PDE11A: variants seen among roughly 807,000 people sequenced by gnomAD.
PDE11A encodes phosphodiesterase 11A.
A neutral mutation model predicts 100.5 loss-of-function variants in PDE11A; 100 were observed. That is an observed-to-expected ratio of 1.00 (90% CI 0.85 to 1.18). The LOEUF (loss-of-function observed/expected upper bound fraction) is 1.18, where lower values mean the gene tolerates loss of function less well. PDE11A is among the 50% of genes most tolerant of loss of function. The pLI, the probability that PDE11A is intolerant of heterozygous loss-of-function variation, is 0.00. For missense variants in PDE11A, 1,141 were observed against 1,152.6 expected (o/e 0.99, Z 0.15); for synonymous variants, 381 against 420.8 (o/e 0.91, Z 1.16).
rs1413957027 is a variant in PDE11A at position 177,743,191 on chromosome 2, G to C, written c.1789-15019C>G. ...ACAGATGCTGATTACAGAAACCAGG[G>C]GTGAAACTCAAGTTTTAAATAATTG... On this transcript the variant is annotated intron_variant, in intron 10 of 19. Coordinates refer to ENST00000286063, the MANE Select transcript of PDE11A (RefSeq NM_016953.4). Among the ~76,000 whole-genome samples the C allele has an allele frequency of 4.6e-5, 7 of 152,268 alleles. 1 individual carries two copies. The highest frequency in any genetic ancestry group is 2.0e-4 in the Admixed American group (3 of 15,298).
intron 9 of PDE11A, among the ~76,000 whole-genome samples, chr2:177,783,015 G>A (rs185797767): frequency 6.6e-6 from 1 of 152,254 alleles, no homozygotes; most frequent in East Asian, 1.9e-4. Context: ...TGCCACCAAT[G>A]GGGCATTTCA....
At chr2:177,853,850 G>A (rs1420764349) in intron 5 of PDE11A, among the ~76,000 whole-genome samples, 2 of 140,744 alleles carry the variant, frequency 1.4e-5, no homozygotes, top group Non-Finnish European at 3.1e-5. Flanking sequence ...CTATATATGT[G>A]TATATATATC....
chr2:177,876,281 T>TGCTGAGATTACAGGCACGAGCCACCGC (rs2084240497), intron 4 of PDE11A, among the ~76,000 whole-genome samples: 70 of 125,146 alleles, frequency 5.6e-4, no homozygotes, highest in African/African-American at 9.8e-4. Flanking sequence ...GAGACCCAGG[T>TGCTGAGATTACAGGCACGAGCCACCGC]AGGGACAGAA....
At chr2:178,033,929 C>A (rs2086578537) in intron 1 of PDE11A, among the ~76,000 whole-genome samples, 1 of 152,146 alleles carries the variant, frequency 6.6e-6, no homozygotes, top group Admixed American at 6.5e-5. Flanking sequence ...CTGTTACCAG[C>A]CACTGCAAAA....
chr2:178,018,373 G>GCACACTTGACTTTAACTTGA, intron 1 of PDE11A: 4 of 487,902 alleles, frequency 8.2e-6, no homozygotes, highest in Non-Finnish European at 1.6e-5. Context: ...AGGCCTTTTG[G>GCACACTTGACTTTAACTTGA]CACACTTGAC....
intron 1 of PDE11A, among the ~76,000 whole-genome samples, chr2:178,056,707 A>C (rs754444305): frequency 2.6e-5 from 4 of 152,234 alleles, no homozygotes; most frequent in Non-Finnish European, 5.9e-5. Flanking sequence ...CATGGAAGTA[A>C]AAAAATAATT....
intron 2 of PDE11A, among the ~76,000 whole-genome samples, chr2:178,080,337 G>A (rs780950576): frequency 6.6e-6 from 1 of 152,146 alleles, no homozygotes; most frequent in Non-Finnish European, 1.5e-5. Context: ...ATGTAAGGAA[G>A]GGGTTCAGTT....
At chr2:177,773,323 A>T (rs1045793779) in intron 9 of PDE11A, among the ~76,000 whole-genome samples, 2 of 152,108 alleles carry the variant, frequency 1.3e-5, no homozygotes, top group African/African-American at 4.8e-5. Flanking sequence ...CCTTTCTAAA[A>T]TTTTTTTACT....
At chr2:178,087,986 C>T (rs563934543) in intron 2 of PDE11A, among the ~76,000 whole-genome samples, 1 of 152,102 alleles carries the variant, frequency 6.6e-6, no homozygotes, top group East Asian at 1.9e-4. Flanking sequence ...AGAGACCTGG[C>T]CCAACCCCTC....
intron 2 of PDE11A, among the ~76,000 whole-genome samples, chr2:177,937,442 T>C (rs2695108): frequency 0.74 from 111,704 of 151,180 alleles, 41,880 homozygotes; most frequent in East Asian, 0.8. Context: ...CTCAGCCTCC[T>C]AAGTAGTTGG....
chr2:177,990,217 A>G (rs767447216), intron 2 of PDE11A, among the ~76,000 whole-genome samples: 8 of 152,220 alleles, frequency 5.3e-5, no homozygotes, highest in Non-Finnish European at 1.0e-4. Context: ...TCAGAAAGAA[A>G]CATAAATTGT....
chr2:177,977,370 C>A (rs1357872874), intron 2 of PDE11A, among the ~76,000 whole-genome samples: 1 of 147,292 alleles, frequency 6.8e-6, no homozygotes, highest in Non-Finnish European at 1.5e-5. Context: ...ACCTAGGAAT[C>A]CAACTTACAA....
chr2:177,814,901 T>C (rs1382098665), intron 9 of PDE11A, among the ~76,000 whole-genome samples: 2 of 152,060 alleles, frequency 1.3e-5, no homozygotes, highest in Non-Finnish European at 1.5e-5. Flanking sequence ...TGGGGGTAAA[T>C]GGCCATTCAT....
intron 2 of PDE11A, among the ~76,000 whole-genome samples, chr2:177,973,238 C>T (rs2085796261): frequency 7.4e-6 from 1 of 134,314 alleles, no homozygotes; most frequent in Admixed American, 7.5e-5. Flanking sequence ...GCGCACCGTG[C>T]GCGAGCCGAA....
chr2:177,970,833 A>T lies in PDE11A; in HGVS notation c.1071+43469T>A, dbSNP rs2085760080. ...CGGGAGGTACAACAGGGGAAGACTA[A>T]GGCAGGCAGTCCACCAGAGTCTTAC... is the stretch of plus-strand genomic sequence containing the variant. On this transcript the variant is annotated intron_variant, in intron 2 of 19. Transcript: ENST00000286063. 2.0e-5 allele frequency among the ~76,000 whole-genome samples: 3 copies of T among 152,204 alleles called. No individual in the cohort carries two copies. The South Asian group carries it at 6.2e-4, about 32-fold the overall frequency.
intron 2 of PDE11A, among the ~76,000 whole-genome samples, chr2:177,992,123 A>G (rs1199002037): frequency 6.6e-6 from 1 of 151,298 alleles, no homozygotes; most frequent in Non-Finnish European, 1.5e-5. Flanking sequence ...CTTAATAAAG[A>G]CAGTAGAGAT....
At chr2:177,904,408 A>T (rs1275994592) in intron 3 of PDE11A, among the ~76,000 whole-genome samples, 1 of 152,152 alleles carries the variant, frequency 6.6e-6, no homozygotes, top group Non-Finnish European at 1.5e-5. Context: ...AAAATCTGGG[A>T]AGTGGGGGTA....
intron 1 of PDE11A, 86 bp from the exon 2 acceptor site, chr2:178,014,546 CT>C: frequency 9.8e-7 from 1 of 1,015,400 alleles, no homozygotes; most frequent in Non-Finnish European, 1.5e-6. Flanking sequence ...CATATGATAC[CT>C]TATCACTGGG....
chr2:177,926,265 T>C (rs573670940), intron 2 of PDE11A, among the ~76,000 whole-genome samples: 2 of 152,340 alleles, frequency 1.3e-5, no homozygotes, highest in South Asian at 4.1e-4. Flanking sequence ...TTATCATCTG[T>C]ACTTCTACTA....
Sources: gnomAD v4.1 joint callset for allele counts (sites outside exome capture counted in the v4.1 genomes callset) on GRCh38, gnomAD v4.1.1 for gene constraint, MANE v1.5 for transcripts, NCBI Gene and HGNC (gene_info 2026-07-23, HGNC 2026-07-21) for gene names.